Variants in C1QTNF7 observed in about 807,000 individuals in gnomAD.
C1QTNF7 encodes the protein complement C1q tumor necrosis factor-related protein 7.
Under a neutral mutation model 19.6 loss-of-function variants are expected in C1QTNF7, and 15 were observed. That is an observed-to-expected ratio of 0.76 (90% CI 0.51 to 1.18). The LOEUF (loss-of-function observed/expected upper bound fraction) is 1.18. Ranked by LOEUF, C1QTNF7 falls within the 50% of genes most tolerant of loss-of-function variation. The pLI is 0.00. For synonymous variants in C1QTNF7, 142 were observed against 137.5 expected (o/e 1.03, Z -0.23); for missense variants, 324 against 359.7 (o/e 0.90, Z 0.80).
At chr4:15,437,291 C>G (rs568627634) in intron 2 of C1QTNF7, among the ~76,000 whole-genome samples, 1 of 151,854 alleles carries the variant, frequency 6.6e-6, no homozygotes, top group Admixed American at 6.6e-5. Flanking sequence ...ATCTAGTATC[C>G]TTGGCCACAT....
chr4:15,412,340 G>A (rs1719432152), intron 1 of C1QTNF7, among the ~76,000 whole-genome samples: 1 of 145,950 alleles, frequency 6.9e-6, no homozygotes, highest in South Asian at 2.2e-4. Flanking sequence ...CCACCAGTCT[G>A]TGGGAAAATT....
rs114897609 is a variant in C1QTNF7 at position 15,404,878 on chromosome 4, G to A, written c.14-30858G>A. ...ATCCCCAAAGCATCTGTGATCACGAGCCCTTATTCCAAAACAAACAATTCA... is the reference window on the plus strand; with the variant it reads ...ATCCCCAAAGCATCTGTGATCACGAACCCTTATTCCAAAACAAACAATTCA... On this transcript the variant is annotated intron_variant, in intron 1 of 2. Coordinates refer to the C1QTNF7 transcript ENST00000295297. Among the ~76,000 whole-genome samples the A allele has an allele frequency of 6.3e-3, 965 of 152,256 alleles. 15 individuals are homozygous for A. The highest frequency in any genetic ancestry group is 0.022 in the African/African-American group (919 of 41,522).
chr4:15,362,651 A>T (rs1372411941), intron 1 of C1QTNF7: 1 of 152,148 alleles, frequency 6.6e-6, no homozygotes, highest in African/African-American at 2.4e-5. Flanking sequence ...TTTGTAAGAA[A>T]CGTGTGATTA....
intron 2 of C1QTNF7, among the ~76,000 whole-genome samples, chr4:15,440,078 T>A (rs1294930994): frequency 6.6e-6 from 1 of 152,114 alleles, no homozygotes; most frequent in Non-Finnish European, 1.5e-5. Flanking sequence ...TGATTTTGCT[T>A]ATTTCCTTCA....
intron 1 of C1QTNF7, among the ~76,000 whole-genome samples, chr4:15,417,398 A>G (rs1719639564): frequency 1.3e-5 from 2 of 152,252 alleles, no homozygotes. Context: ...AACATTTAAT[A>G]TAAAATGACT....
intron 2 of C1QTNF7, among the ~76,000 whole-genome samples, chr4:15,438,407 CCT>C (rs1712622768): frequency 6.6e-6 from 1 of 152,078 alleles, no homozygotes; most frequent in African/African-American, 2.4e-5. Context: ...GTGCCTGCTC[CCT>C]GTTTCCCCTT....
chr4:15,412,854 A>C (rs1467068992), intron 1 of C1QTNF7, among the ~76,000 whole-genome samples: 1 of 152,234 alleles, frequency 6.6e-6, no homozygotes, highest in Admixed American at 6.5e-5. Flanking sequence ...GAGCAATAGG[A>C]GACAGAGATC....
chr4:15,344,338 G>C (rs369422005), intron 1 of C1QTNF7, among the ~76,000 whole-genome samples: 61 of 152,202 alleles, frequency 4.0e-4, no homozygotes, highest in East Asian at 1.2e-3. Context: ...CACAGCTGTG[G>C]CAGAGACTAA....
intron 1 of C1QTNF7, among the ~76,000 whole-genome samples, chr4:15,394,669 A>G (rs933765901): frequency 1.6e-5 from 1 of 62,966 alleles, no homozygotes; most frequent in African/African-American, 4.8e-5. Flanking sequence ...TACGACAAAC[A>G]TATTTTTTAT....
Position 15,442,557 on chromosome 4 carries a change from C to A in C1QTNF7, c.628C>A (p.Leu210Met), listed in dbSNP as rs140339349. 44 of 1,614,048 alleles carry A rather than the reference C, an allele frequency of 2.7e-5. No homozygotes were observed. The African/African-American group carries it at 5.3e-4, about 20-fold the overall frequency. ...GGCTAATAAGCATCTGGCAATCGGA[C>A]TGGTACACAATGGGCAATACCGGAT... ...TLANKHLAIG[L>M]VHNGQYRIKT... The change falls in exon 3 of 3, where the codon CTG becomes ATG. Residue 210 changes from leucine (L) to methionine (M), a missense_variant. Physicochemically the swap from Leu to Met is conservative, Grantham distance 15. Coordinates refer to ENST00000444304, the MANE Select transcript of C1QTNF7 (RefSeq NM_031911.5).
intron 1 of C1QTNF7, among the ~76,000 whole-genome samples, chr4:15,377,164 T>C (rs1717971443): frequency 6.6e-6 from 1 of 152,210 alleles, no homozygotes; most frequent in East Asian, 1.9e-4. Context: ...TGGGACAAAA[T>C]GGAAATTGTT....
At chr4:15,406,630 C>T (rs966883907) in intron 1 of C1QTNF7, among the ~76,000 whole-genome samples, 2 of 151,886 alleles carry the variant, frequency 1.3e-5, no homozygotes, top group African/African-American at 4.8e-5. Context: ...ATGTTACTGG[C>T]AAAAACAAAA....
At chr4:15,391,619 T>G (rs571360859) in intron 1 of C1QTNF7, among the ~76,000 whole-genome samples, 10 of 152,278 alleles carry the variant, frequency 6.6e-5, no homozygotes, top group South Asian at 4.1e-4. Flanking sequence ...CGAGTCCCAG[T>G]GCCCTATCTC....
intron 1 of C1QTNF7, among the ~76,000 whole-genome samples, chr4:15,393,934 T>C (rs1481279867): frequency 6.6e-6 from 1 of 151,188 alleles, no homozygotes; most frequent in Non-Finnish European, 1.5e-5. Flanking sequence ...CCAGTAACCA[T>C]TTCCTACATC....
At chr4:15,358,264 TGA>T (rs1283049424) in intron 1 of C1QTNF7, 1 of 152,194 alleles carries the variant, frequency 6.6e-6, no homozygotes, top group Non-Finnish European at 1.5e-5. Flanking sequence ...CCTCGTTTAT[TGA>T]GAGTTTTTAG....
chr4:15,434,721 C>G (rs996422736), intron 1 of C1QTNF7, among the ~76,000 whole-genome samples: 2 of 152,176 alleles, frequency 1.3e-5, no homozygotes, highest in African/African-American at 2.4e-5. Flanking sequence ...AATGACTCAT[C>G]ATTCTGAGCT....
chr4:15,411,356 T>G (rs1001733271), intron 1 of C1QTNF7, among the ~76,000 whole-genome samples: 2 of 152,084 alleles, frequency 1.3e-5, no homozygotes, highest in Non-Finnish European at 2.9e-5. Flanking sequence ...TTATGAAATA[T>G]TAAAAAAAAA....
chr4:15,387,657 G>C (rs1040645270), intron 1 of C1QTNF7, among the ~76,000 whole-genome samples: 4 of 152,168 alleles, frequency 2.6e-5, no homozygotes, highest in African/African-American at 9.7e-5. Flanking sequence ...CAATTGTAGA[G>C]AGTGAATAGA....
intron 1 of C1QTNF7, among the ~76,000 whole-genome samples, chr4:15,421,515 G>A (rs1711758220): frequency 6.6e-6 from 1 of 152,106 alleles, no homozygotes; most frequent in African/African-American, 2.4e-5. Flanking sequence ...GAGCACCCAC[G>A]AAGTGCCAGG....
Sources: gnomAD v4.1 joint callset for allele counts (sites outside exome capture counted in the v4.1 genomes callset) on GRCh38, gnomAD v4.1.1 for gene constraint, MANE v1.5 for transcripts, NCBI Gene and HGNC (gene_info 2026-07-23, HGNC 2026-07-21) for gene names.